The following DLGAP2 variants were observed in gnomAD, a reference collection of about 807,000 sequenced individuals.
DLGAP2 encodes DLG associated protein 2, also known as disks large-associated protein 2.
In DLGAP2, 26 loss-of-function variants were observed where a neutral mutation model predicts 100.3. That is an observed-to-expected ratio of 0.26 (90% confidence interval 0.19 to 0.36). The LOEUF is 0.36. DLGAP2 is among the 10% of genes least tolerant of loss of function. The pLI is 1.00. For synonymous variants in DLGAP2, 886 were observed against 630.1 expected, an observed-to-expected ratio of 1.41 and a Z score of -6.08; for missense variants, 1,858 against 1,453.2, an observed-to-expected ratio of 1.28 and a Z score of -4.53.
Position 1,203,253 on chromosome 8 carries a change from A to G in DLGAP2, c.74-55598A>G, listed in dbSNP as rs1434880656. On this transcript the variant is annotated intron_variant, in intron 2 of 14. Transcript: ENST00000637795. ...ACCCCTCAGTGTTAGAATCCATGAG[A>G]CTAGTGTGTCCTTCGGTGATGAGGC... Among the ~76,000 whole-genome samples the G allele has an allele frequency of 1.3e-5, 2 of 151,968 alleles. 1 individual carries two copies.
At chr8:1,094,777 G>A (rs1445921921) in intron 2 of DLGAP2, among the ~76,000 whole-genome samples, 1 of 152,178 alleles carries the variant, frequency 6.6e-6, no homozygotes, top group Non-Finnish European at 1.5e-5. Context: ...TCTTAGCGTG[G>A]GCATGGCATT....
chr8:1,465,734 G>GT (rs984133201), intron 3 of DLGAP2, among the ~76,000 whole-genome samples: 2 of 152,254 alleles, frequency 1.3e-5, no homozygotes, highest in Non-Finnish European at 2.9e-5. Flanking sequence ...GCTGCGCTCT[G>GT]TGTTGCTAGC....
intron 1 of DLGAP2, among the ~76,000 whole-genome samples, chr8:773,369 T>C (rs931153021): frequency 2.0e-5 from 3 of 152,058 alleles, no homozygotes; most frequent in African/African-American, 7.3e-5. Flanking sequence ...TATTATACTT[T>C]AAGTTTTAGG....
At chr8:1,227,048 T>G (rs1391442523) in intron 2 of DLGAP2, among the ~76,000 whole-genome samples, 3 of 148,804 alleles carry the variant, frequency 2.0e-5, no homozygotes, top group African/African-American at 7.7e-5. Context: ...CGGAAATATA[T>G]CTGCACTCCC....
intron 1 of DLGAP2, among the ~76,000 whole-genome samples, chr8:907,669 G>A (rs1051475193): frequency 6.6e-6 from 1 of 152,150 alleles, no homozygotes; most frequent in Non-Finnish European, 1.5e-5. Flanking sequence ...CATTAAACCC[G>A]GCTGCATTCC....
chr8:1,125,882 C>G (rs1796152102), intron 2 of DLGAP2, among the ~76,000 whole-genome samples: 1 of 152,178 alleles, frequency 6.6e-6, no homozygotes, highest in Non-Finnish European at 1.5e-5. Flanking sequence ...GGCAGAAAGG[C>G]AGGGAGGACT....
intron 2 of DLGAP2, among the ~76,000 whole-genome samples, chr8:952,398 CT>C (rs1799502935): frequency 6.6e-6 from 1 of 152,236 alleles, no homozygotes; most frequent in South Asian, 2.1e-4. Flanking sequence ...AAAAATAATC[CT>C]TTGGGAGGCC....
At chr8:907,379 C>T (rs1051784243) in intron 1 of DLGAP2, among the ~76,000 whole-genome samples, 4 of 152,168 alleles carry the variant, frequency 2.6e-5, no homozygotes, top group Non-Finnish European at 4.4e-5. Context: ...TTATTTTCAC[C>T]TCTCCTTCAC....
intron 1 of DLGAP2, among the ~76,000 whole-genome samples, chr8:783,291 C>T (rs1353950268): frequency 6.6e-6 from 1 of 152,144 alleles, no homozygotes; most frequent in Non-Finnish European, 1.5e-5. Context: ...CCCTTGGAAA[C>T]TTGTTTAAGG....
At chr8:1,136,808 A>T (rs994978101) in intron 2 of DLGAP2, among the ~76,000 whole-genome samples, 2 of 152,334 alleles carry the variant, frequency 1.3e-5, no homozygotes, top group South Asian at 2.1e-4. Context: ...CTAGAAGACC[A>T]GGCCTGGCTG....
intron 2 of DLGAP2, among the ~76,000 whole-genome samples, chr8:1,090,895 T>C (rs1474139423): frequency 6.6e-6 from 1 of 152,268 alleles, no homozygotes; most frequent in African/African-American, 2.4e-5. Context: ...ATAATTTCTA[T>C]GATTTCAGTT....
chr8:1,526,621 T>TG (rs1800802589), intron 4 of DLGAP2, among the ~76,000 whole-genome samples: 1 of 152,218 alleles, frequency 6.6e-6, no homozygotes, highest in African/African-American at 2.4e-5. Flanking sequence ...GTTCTGCCAC[T>TG]GAAGACAAAG....
intron 3 of DLGAP2, among the ~76,000 whole-genome samples, chr8:1,434,988 A>C (rs141633761): frequency 8.7e-4 from 132 of 152,286 alleles, no homozygotes; most frequent in African/African-American, 3.0e-3. Flanking sequence ...CAGATGTACA[A>C]CATTCAGTAC....
At chr8:1,570,081 G>A (rs1802593491) in intron 6 of DLGAP2, among the ~76,000 whole-genome samples, 1 of 152,260 alleles carries the variant, frequency 6.6e-6, no homozygotes, top group African/African-American at 2.4e-5. Context: ...CAGGAAACAA[G>A]GGCACGCTGA....
intron 3 of DLGAP2, among the ~76,000 whole-genome samples, chr8:1,343,041 T>C (rs950500314): frequency 6.6e-6 from 1 of 152,214 alleles, no homozygotes; most frequent in Non-Finnish European, 1.5e-5. Context: ...TTAATTTCTG[T>C]ACTTTTTGTT....
chr8:1,006,085 A>T (rs544234345), intron 2 of DLGAP2, among the ~76,000 whole-genome samples: 1 of 152,142 alleles, frequency 6.6e-6, no homozygotes, highest in African/African-American at 2.4e-5. Context: ...GGTACTCGGG[A>T]GGCTGAGGCA....
intron 2 of DLGAP2, among the ~76,000 whole-genome samples, chr8:1,127,872 G>T (rs977809637): frequency 6.6e-6 from 1 of 152,182 alleles, no homozygotes. Context: ...GGTATAAAGA[G>T]TCTGAACTAA....
At chr8:1,138,782 G>T (rs1201015116) in intron 2 of DLGAP2, among the ~76,000 whole-genome samples, 1 of 151,730 alleles carries the variant, frequency 6.6e-6, no homozygotes, top group Non-Finnish European at 1.5e-5. Flanking sequence ...TTATTTACTT[G>T]TCCTGACCTG....
At chr8:1,169,028 G>C (rs375667593) in intron 2 of DLGAP2, among the ~76,000 whole-genome samples, 5,735 of 149,290 alleles carry the variant, frequency 0.038, 161 homozygotes, top group East Asian at 0.15. Context: ...TAACGTTTAA[G>C]TCTTTAATCC....
Sources: gnomAD v4.1 joint callset for allele counts (sites outside exome capture counted in the v4.1 genomes callset) on GRCh38, gnomAD v4.1.1 for gene constraint, MANE v1.5 for transcripts, NCBI Gene and HGNC (gene_info 2026-07-23, HGNC 2026-07-21) for gene names.